RNF10: variants seen among roughly 807,000 people sequenced by gnomAD.
RNF10 encodes the protein ring finger protein 10.
A neutral mutation model predicts 91.4 loss-of-function variants in RNF10; 38 were observed. That is an observed-to-expected ratio of 0.42 (90% confidence interval 0.32 to 0.54). The LOEUF is 0.54. Ranked by LOEUF, RNF10 falls within the 20% of genes least tolerant of loss-of-function variation. The pLI is 0.16. For synonymous variants in RNF10, 364 were observed against 366.3 expected (o/e 0.99, Z 0.07); for missense variants, 945 against 1,012.0 (o/e 0.93, Z 0.90).
intron 7 of RNF10, among the ~76,000 whole-genome samples, chr12:120,561,641 A>G (rs974407027): frequency 6.6e-6 from 1 of 152,208 alleles, no homozygotes; most frequent in Non-Finnish European, 1.5e-5. Context: ...AGATAGAACT[A>G]TCCCCTTTCA....
chr12:120,541,686 G>A (rs1871596158), intron 1 of RNF10, among the ~76,000 whole-genome samples: 1 of 150,458 alleles, frequency 6.6e-6, no homozygotes, highest in Non-Finnish European at 1.5e-5. Context: ...CACCTGCCTT[G>A]GCCTCCCAAA....
At chr12:120,572,215 T>TATA (rs1565973189) in intron 14 of RNF10, among the ~76,000 whole-genome samples, 1 of 151,226 alleles carries the variant, frequency 6.6e-6, no homozygotes, top group African/African-American at 2.4e-5. Context: ...TATAGGCGCC[T>TATA]GCCACCACGC....
chr12:120,558,693 C>T lies in RNF10; in HGVS notation c.967+1011C>T, dbSNP rs536009854. ...GAGCGATTCTCGTGCCTCAGCCTCC[C>T]GAGTAGCTGGGACTACAGGCGCCCG... On this transcript the variant is annotated intron_variant, in intron 6 of 16. Transcript: ENST00000325954. Among the ~76,000 whole-genome samples, 280 of 151,170 alleles carry T rather than the reference C, an allele frequency of 1.9e-3. 1 individual carries two copies. The highest frequency in any genetic ancestry group is 6.6e-3 in the African/African-American group (272 of 41,242).
At chr12:120,576,067 C>A in intron 16 of RNF10, 117 bp downstream of exon 16, 1 of 1,030,074 alleles carries the variant, frequency 9.7e-7, no homozygotes, top group Admixed American at 1.8e-5. Context: ...CTGAACCCTT[C>A]AGCACACTCT....
intron 11 of RNF10, 53 bp from the exon 12 acceptor site, chr12:120,565,363 TACTGGGAGGAGG>T: frequency 1.4e-6 from 2 of 1,468,910 alleles, no homozygotes; most frequent in Non-Finnish European, 1.9e-6. Context: ...TAGCTGCTAA[TACTGGGAGGAGG>T]TAATGACCAT....
At chr12:120,549,798 GAATA>G (rs1872778061) in intron 2 of RNF10, among the ~76,000 whole-genome samples, 1 of 151,920 alleles carries the variant, frequency 6.6e-6, no homozygotes, top group Non-Finnish European at 1.5e-5. Flanking sequence ...ATAAATAAGT[GAATA>G]AATAAATAAT....
At chr12:120,570,033 G>A (rs1045251193) in intron 13 of RNF10, among the ~76,000 whole-genome samples, 2 of 151,546 alleles carry the variant, frequency 1.3e-5, no homozygotes, top group African/African-American at 2.4e-5. Flanking sequence ...GCTGTGTAGC[G>A]TGCCACCATG....
chr12:120,559,354 G>GT (rs1461144325), intron 6 of RNF10, among the ~76,000 whole-genome samples: 14 of 148,906 alleles, frequency 9.4e-5, no homozygotes, highest in African/African-American at 2.7e-4. Flanking sequence ...GCTAATTTTT[G>GT]TTTTTTTTGT....
At chr12:120,571,060 A>AT in intron 13 of RNF10, 131 bp from the exon 14 acceptor site, 1 of 637,580 alleles carries the variant, frequency 1.6e-6, no homozygotes, top group Admixed American at 2.8e-5. Flanking sequence ...AGTTGGATCA[A>AT]TGTTTGCTTT....
chr12:120,559,585 A>C (rs534541920), intron 6 of RNF10, among the ~76,000 whole-genome samples: 1 of 152,082 alleles, frequency 6.6e-6, no homozygotes, highest in South Asian at 2.1e-4. Flanking sequence ...GGGTTTCACC[A>C]TGTTGGCCAG....
rs1424279932 is a variant in RNF10 at position 120,560,976 on chromosome 12, G to A, written c.1128+90G>A. 1.4e-5 allele frequency: 19 copies of A among 1,317,296 alleles called. No individual in the cohort carries two copies. The East Asian group carries it at 2.4e-4, about 16-fold the overall frequency. 81.6% of individuals were successfully genotyped at this position (1,317,296 alleles called of 1,614,324 possible). On this transcript the variant is annotated intron_variant, in intron 7 of 16. Coordinates refer to ENST00000325954, the MANE Select transcript of RNF10 (RefSeq NM_014868.5). ...AAATGCTAAACCTTTTCACTCTGTCGGGGGTGAGATGATGGACGCTGGGGA... is the reference window on the plus strand; with the variant it reads ...AAATGCTAAACCTTTTCACTCTGTCAGGGGTGAGATGATGGACGCTGGGGA...
chr12:120,564,644 C>T (rs998535364), intron 10 of RNF10, among the ~76,000 whole-genome samples: 11 of 152,154 alleles, frequency 7.2e-5, no homozygotes, highest in African/African-American at 9.7e-5. Context: ...TATTTCAGGC[C>T]AAGTGTCTTT....
chr12:120,564,071 C>T, intron 10 of RNF10, 128 bp downstream of exon 10: 1 of 1,002,884 alleles, frequency 1.0e-6, no homozygotes, highest in Non-Finnish European at 1.5e-6. Context: ...GTCTTTCTGT[C>T]AGTGATGGTG....
At chr12:120,539,541 C>A in intron 1 of RNF10, 1 of 615,322 alleles carries the variant, frequency 1.6e-6, no homozygotes, top group Non-Finnish European at 2.7e-6. Flanking sequence ...GACCTCTAGG[C>A]CGAGCCACCT....
rs1029091387 is a variant in RNF10 at position 120,560,731 on chromosome 12, C to A, written c.973C>A (p.Gln325Lys). ...VDHPIHLGDE[Q>K]HSQYSKLLLA... ...TCTTGCTGGCATTCTTATAGATGAA[C>A]AGCACAGCCAGTACTCCAAGTTGCT... is the stretch of plus-strand genomic sequence containing the variant. Residue 325 changes from glutamine to lysine, a missense_variant, in exon 7 of 17, where the codon CAG (glutamine) becomes AAG (lysine). Coordinates refer to ENST00000325954, the MANE Select transcript of RNF10 (RefSeq NM_014868.5). The A allele has an allele frequency of 8.7e-6, 14 of 1,612,512 alleles. No homozygotes were observed. Among genetic ancestry groups the A allele is most frequent in the Non-Finnish European group, 1.1e-5 (13 of 1,178,872 alleles).
chr12:120,542,996 T>G (rs1871792144), intron 1 of RNF10, among the ~76,000 whole-genome samples: 1 of 137,784 alleles, frequency 7.3e-6, no homozygotes, highest in Non-Finnish European at 1.7e-5. Context: ...TTTTAGGTGG[T>G]CAGGTTTGGA....
intron 4 of RNF10, among the ~76,000 whole-genome samples, chr12:120,555,009 G>GT (rs1235299644): frequency 1.3e-5 from 2 of 152,158 alleles, no homozygotes; most frequent in East Asian, 1.9e-4. Flanking sequence ...TAGGGATGGT[G>GT]TATGAAAGGC....
intron 2 of RNF10, 105 bp from the exon 3 acceptor site, chr12:120,552,394 C>G: frequency 2.2e-6 from 2 of 902,972 alleles, no homozygotes; most frequent in Non-Finnish European, 3.3e-6. Context: ...AGTAAGACTC[C>G]GTCTCAAAAA....
chr12:120,561,639 C>G (rs559613963), intron 7 of RNF10, among the ~76,000 whole-genome samples: 1 of 152,314 alleles, frequency 6.6e-6, no homozygotes, highest in Non-Finnish European at 1.5e-5. Flanking sequence ...GTAGATAGAA[C>G]TATCCCCTTT....
Sources: allele counts gnomAD v4.1 joint callset (sites outside exome capture counted in the v4.1 genomes callset), GRCh38; gene constraint gnomAD v4.1.1; transcripts MANE v1.5; gene names NCBI Gene and HGNC (gene_info 2026-07-23, HGNC 2026-07-21).